Variants in ATXN1 observed in about 807,000 individuals in gnomAD.
ATXN1 encodes ataxin 1.
In ATXN1, 8 loss-of-function variants were observed where a neutral mutation model predicts 56.4. That is an observed-to-expected ratio of 0.14 (90% CI 0.08 to 0.26). ATXN1 has a LOEUF of 0.26. Among genes scored for constraint, ATXN1 ranks in the 10% least tolerant of loss-of-function variants. The pLI is 1.00. For synonymous variants in ATXN1, 514 were observed against 494.6 expected (o/e 1.04, Z -0.52); for missense variants, 987 against 1,106.5 (o/e 0.89, Z 1.53).
intron 4 of ATXN1, among the ~76,000 whole-genome samples, chr6:16,579,092 C>T (rs181162165): frequency 6.6e-6 from 1 of 152,282 alleles, no homozygotes; most frequent in Admixed American, 6.5e-5. Context: ...ATTTCAGTGG[C>T]AAGTGAAGTG....
intron 4 of ATXN1, among the ~76,000 whole-genome samples, chr6:16,558,500 G>C (rs969763883): frequency 6.6e-6 from 1 of 151,816 alleles, no homozygotes; most frequent in African/African-American, 2.4e-5. Flanking sequence ...TCAGCCTCCC[G>C]AGTACAAACA....
intron 6 of ATXN1, among the ~76,000 whole-genome samples, chr6:16,420,171 C>A (rs1337208372): frequency 6.6e-6 from 1 of 152,184 alleles, no homozygotes; most frequent in Non-Finnish European, 1.5e-5. Flanking sequence ...AAGGAAATCA[C>A]CATAGCACCA....
intron 2 of ATXN1, among the ~76,000 whole-genome samples, chr6:16,692,765 CTA>C (rs1759076676): frequency 6.6e-6 from 1 of 152,104 alleles, no homozygotes. Flanking sequence ...ATTCCATGTT[CTA>C]TATTTTCACT....
At chr6:16,581,341 C>CGTG (rs1762527196) in intron 4 of ATXN1, among the ~76,000 whole-genome samples, 1 of 151,412 alleles carries the variant, frequency 6.6e-6, no homozygotes, top group Non-Finnish European at 1.5e-5. Flanking sequence ...GGGTAGAGTA[C>CGTG]GTGGTGGATG....
rs368453524 is a variant in ATXN1, at chr6:16,326,745, G to A, written c.1566C>T (p.Phe522=). 106 of 1,613,660 alleles carry A rather than the reference G, an allele frequency of 6.6e-5. No individual in the cohort carries two copies. Among genetic ancestry groups the A allele is most frequent in the Admixed American group, 1.3e-4 (8 of 60,016 alleles). ...SPQFAAVPHT[F]VTTALPKSEN... is the part of the protein sequence containing the mutation. ...CGCTCTTGGGAAGGGCGGTGGTGAC[G>A]AACGTGTGAGGCACTGCAGCAAACT... Residue 522 remains phenylalanine, a synonymous_variant, in exon 7 of 8, where the codon TTC becomes TTT. Transcript: ENST00000436367. This position sits in a 1 kb window ranked among gnomAD's most constrained non-coding sequence, Gnocchi z 6.6.
intron 6 of ATXN1, among the ~76,000 whole-genome samples, chr6:16,442,901 A>C (rs963525633): frequency 1.3e-5 from 2 of 152,066 alleles, no homozygotes; most frequent in Non-Finnish European, 2.9e-5. Context: ...AATCCCATCT[A>C]CTCAGGAGGC....
At position 16,700,437 on chromosome 6, in the gene ATXN1, G is replaced by A. The variant is rs117667497; in HGVS notation, c.-614-42536C>T. On this transcript the variant is annotated intron_variant, in intron 2 of 7. Transcript: ENST00000436367. The stretch of plus-strand genomic sequence containing the variant: ...CGACCCCTTACGGCCATTCCTACTC[G>A]CTGCCTGACAACATGATCAAAGGAG... Among the ~76,000 whole-genome samples the A allele has an allele frequency of 2.9e-4, 44 of 152,104 alleles. 1 individual carries two copies. In the East Asian group the frequency reaches 7.7e-3, roughly 27 times the overall value.
intron 3 of ATXN1, among the ~76,000 whole-genome samples, chr6:16,647,738 G>A (rs114414155): frequency 1.1e-3 from 161 of 152,290 alleles, no homozygotes; most frequent in African/African-American, 3.8e-3. Context: ...TCAAAGCATC[G>A]TGTTGTACAC....
chr6:16,565,701 T>C (rs905577925), intron 4 of ATXN1, among the ~76,000 whole-genome samples: 6 of 152,130 alleles, frequency 3.9e-5, no homozygotes, highest in African/African-American at 9.7e-5. Context: ...AATGAAAACA[T>C]TGCTCAAAAA....
At chr6:16,750,331 CATAA>C (rs1407881471) in intron 2 of ATXN1, among the ~76,000 whole-genome samples, 1 of 152,122 alleles carries the variant, frequency 6.6e-6, no homozygotes, top group Non-Finnish European at 1.5e-5. Flanking sequence ...CATTTCTTTA[CATAA>C]ATAGTGACTG....
At chr6:16,420,231 C>CCGGT (rs1759004118) in intron 6 of ATXN1, among the ~76,000 whole-genome samples, 1 of 152,166 alleles carries the variant, frequency 6.6e-6, no homozygotes, top group Non-Finnish European at 1.5e-5. Flanking sequence ...TTTTACTTCC[C>CCGGT]CGGTATGAGG....
At chr6:16,632,466 G>A (rs1379025894) in intron 3 of ATXN1, among the ~76,000 whole-genome samples, 1 of 152,172 alleles carries the variant, frequency 6.6e-6, no homozygotes, top group Non-Finnish European at 1.5e-5. Context: ...CCAAAGTTTT[G>A]ATTTGAATTC....
At chr6:16,358,219 A>G (rs1384671918) in intron 6 of ATXN1, among the ~76,000 whole-genome samples, 1 of 152,254 alleles carries the variant, frequency 6.6e-6, no homozygotes, top group African/African-American at 2.4e-5. Flanking sequence ...GTGGGAATGT[A>G]GACTAATACA....
chr6:16,491,090 A>ATTTTTTTTTT (rs35884389), intron 5 of ATXN1, among the ~76,000 whole-genome samples: 2 of 78,310 alleles, frequency 2.6e-5, no homozygotes, highest in African/African-American at 1.0e-4. Context: ...GGATCCCTGG[A>ATTTTTTTTTT]TTTTTTTTTT....
intron 6 of ATXN1, among the ~76,000 whole-genome samples, chr6:16,456,041 C>T (rs993643355): frequency 1.3e-5 from 2 of 152,152 alleles, no homozygotes; most frequent in African/African-American, 4.8e-5. Context: ...TAAAAGCGGG[C>T]CACCCCAGCC....
rs188557727 is a variant in ATXN1 at position 16,332,326 on chromosome 6, A to G, written c.-160-3856T>C. Among the ~76,000 whole-genome samples, 717 of 152,348 alleles carry G rather than the reference A, an allele frequency of 4.7e-3. 6 individuals carry two copies. The highest frequency in any genetic ancestry group is 7.2e-3 in the Non-Finnish European group (490 of 68,022). On this transcript the variant is annotated intron_variant, in intron 6 of 7. Transcript: ENST00000436367. ...CAGGATGGCACCACATTCCTGGTCTATCGGGTGATCATGGGACTAAACAAC... is the reference window on the plus strand; with the variant it reads ...CAGGATGGCACCACATTCCTGGTCTGTCGGGTGATCATGGGACTAAACAAC...
At chr6:16,348,195 C>G (rs1025932671) in intron 6 of ATXN1, among the ~76,000 whole-genome samples, 1 of 152,194 alleles carries the variant, frequency 6.6e-6, no homozygotes, top group Non-Finnish European at 1.5e-5. Context: ...TCCTTAGTAG[C>G]TGGGATTACA....
intron 6 of ATXN1, among the ~76,000 whole-genome samples, chr6:16,388,106 C>T (rs2113516827): frequency 6.6e-6 from 1 of 152,322 alleles, no homozygotes; most frequent in Non-Finnish European, 1.5e-5. Flanking sequence ...CCAAAGCCTA[C>T]TATGCACAGG....
At chr6:16,606,227 G>C (rs952725706) in intron 3 of ATXN1, among the ~76,000 whole-genome samples, 4 of 152,166 alleles carry the variant, frequency 2.6e-5, no homozygotes, top group African/African-American at 9.7e-5. Flanking sequence ...AGAACACCTA[G>C]CACAGGACAT....
Sources: allele counts gnomAD v4.1 joint callset (sites outside exome capture counted in the v4.1 genomes callset), GRCh38; gene constraint gnomAD v4.1.1; non-coding constraint Gnocchi (gnomAD v3.1); transcripts MANE v1.5; gene names NCBI Gene and HGNC (gene_info 2026-07-23, HGNC 2026-07-21).